SPEF1: variants seen among roughly 807,000 people sequenced by gnomAD.
SPEF1 encodes sperm flagella and cilia-associated protein 1.
In SPEF1, 30 loss-of-function variants were observed where a neutral mutation model predicts 31.8. That is an observed-to-expected ratio of 0.94 (90% CI 0.70 to 1.28). The LOEUF (loss-of-function observed/expected upper bound fraction) is 1.28, where lower values mean the gene tolerates loss of function less well. SPEF1 is among the 50% of genes most tolerant of loss of function. SPEF1 has a pLI of 0.00. For synonymous variants in SPEF1, 126 were observed against 130.1 expected (o/e 0.97, Z 0.21); for missense variants, 298 against 309.6 (o/e 0.96, Z 0.28).
chr20:3,778,641 C>G, intron 5 of SPEF1, 97 bp from the exon 6 acceptor site: 1 of 1,569,306 alleles, frequency 6.4e-7, no homozygotes, highest in Non-Finnish European at 8.6e-7. Context: ...CCCCTCTAGC[C>G]CCTTTCCTGC....
Position 3,779,886 on chromosome 20 carries a change from G to A in SPEF1, c.110-111C>T, listed in dbSNP as rs1324289008. ...CATGGCAGAGTGGTGGAACCCAATGGAGGGGTGGAGATGCGGAAAGGGGAA... is the reference window on the plus strand; with the variant it reads ...CATGGCAGAGTGGTGGAACCCAATGAAGGGGTGGAGATGCGGAAAGGGGAA... On this transcript the variant is annotated intron_variant, in intron 1 of 6. Coordinates refer to ENST00000379756, the MANE Select transcript of SPEF1 (RefSeq NM_015417.5). 9.3e-6 allele frequency: 5 copies of A among 536,510 alleles called. No homozygotes were observed. The Admixed American group carries it at 1.2e-4, about 12-fold the overall frequency. The allele number at this position is 536,510 out of a possible 1,614,324, so 33.2% of individuals were successfully genotyped here. A position where few individuals can be genotyped will look rare whatever the true frequency, so the allele number is the denominator to read the frequency against.
rs748708576 is a variant in SPEF1, at chr20:3,778,255, T to A, written c.668A>T (p.Asp223Val). 6.2e-6 allele frequency: 10 copies of A among 1,609,482 alleles called. No individual in the cohort carries two copies. The highest frequency in any genetic ancestry group is 8.5e-7 in the Non-Finnish European group (1 of 1,177,876). ...CGCCTGCTGGAGCCGCCGGGAGAGG[T>A]CTTCGATCCGCACATTCTTGAGCTG... ...LLQLKNVRIE[D>V]LSRRLQQAER... The change falls in exon 7 of 7, where the codon GAC (aspartate) becomes GTC (valine). Residue 223 changes from aspartate (D) to valine (V), a missense_variant. Coordinates refer to ENST00000379756, the MANE Select transcript of SPEF1 (RefSeq NM_015417.5).
At position 3,778,088 on chromosome 20, in the gene SPEF1, C is replaced by G. The variant is rs1233780971; in HGVS notation, c.*124G>C. The G allele has an allele frequency of 1.4e-6, 1 of 702,630 alleles. No individual in the cohort carries two copies. The highest frequency in any genetic ancestry group is 2.3e-6 in the Non-Finnish European group (1 of 438,320). 43.5% of individuals were successfully genotyped at this position (702,630 alleles called of 1,614,324 possible). A position where few individuals can be genotyped will look rare whatever the true frequency, so the allele number is the denominator to read the frequency against. On this transcript the variant is annotated 3_prime_UTR_variant, in exon 7 of 7. Coordinates refer to ENST00000379756, the MANE Select transcript of SPEF1 (RefSeq NM_015417.5). ...CCCAAGGAAGGAGGGCACTCGGGCC[C>G]CAGCAGGCTCGTGAGAGCAGCGGGC... is the stretch of plus-strand genomic sequence containing the variant.
rs1600360726 is a variant in SPEF1 at position 3,778,091 on chromosome 20, G to A, written c.*121C>T. 5.6e-6 allele frequency: 4 copies of A among 710,870 alleles called. No individual in the cohort carries two copies. Among genetic ancestry groups the A allele is most frequent in the Non-Finnish European group, 9.0e-6 (4 of 446,130 alleles). The allele number at this position is 710,870 out of a possible 1,614,324, so 44.0% of individuals were successfully genotyped here. A position where few individuals can be genotyped will look rare whatever the true frequency, so the allele number is the denominator to read the frequency against. Reference sequence around the variant, plus strand: ...AAGGAAGGAGGGCACTCGGGCCCCAGCAGGCTCGTGAGAGCAGCGGGCTCC... The same window carrying A: ...AAGGAAGGAGGGCACTCGGGCCCCAACAGGCTCGTGAGAGCAGCGGGCTCC... On this transcript the variant is annotated 3_prime_UTR_variant, in exon 7 of 7. Coordinates refer to ENST00000379756, the MANE Select transcript of SPEF1 (RefSeq NM_015417.5).
In SPEF1 at chr20:3,779,340, C is replaced by T. The variant is rs797016456; in HGVS notation, c.234G>A (p.Lys78=). Reference sequence around the variant, plus strand: ...CATCCGGTACTGAAAAGTTCAGCCTCTTCAGTACCTTCCTGAGGGGTAGAC... The same window carrying T: ...CATCCGGTACTGAAAAGTTCAGCCTTTTCAGTACCTTCCTGAGGGGTAGAC... The part of the protein sequence containing the change: ...NWGHLNRKVL[K]RLNFSVPDDV... Residue 78 remains lysine (K), a synonymous_variant, in exon 3 of 7, where the codon AAG becomes AAA. Transcript: ENST00000379756. 7.5e-6 allele frequency: 12 copies of T among 1,594,980 alleles called. 1 individual carries two copies. The African/African-American group carries it at 1.5e-4, about 20-fold the overall frequency.
In SPEF1 at chr20:3,779,298, G is replaced by A. The variant is rs760651917; in HGVS notation, c.276C>T (p.Ile92=). 15 of 1,599,876 alleles carry A rather than the reference G, an allele frequency of 9.4e-6. No homozygotes were observed. The Middle Eastern group carries it at 6.6e-4, about 71-fold the overall frequency. The change falls in exon 3 of 7, where the codon ATC becomes ATT. Residue 92 remains isoleucine (I), a synonymous_variant. Coordinates refer to ENST00000379756, the MANE Select transcript of SPEF1 (RefSeq NM_015417.5). ...CCACCACGCCTGGGGCGCACTGCGC[G>A]ATCTTGCGCATCACGTCATCCGGTA... ...FSVPDDVMRK[I]AQCAPGVVEL...
chr20:3,779,507 C>T (rs984352410), intron 2 of SPEF1, among the ~76,000 whole-genome samples, 155 bp from the exon 3 acceptor site: 2 of 152,084 alleles, frequency 1.3e-5, no homozygotes, highest in Non-Finnish European at 1.5e-5. Flanking sequence ...GTGGGTGTTC[C>T]GAGGTTCCTT....
In SPEF1 at chr20:3,778,305, CT is replaced by C. The variant is rs757546177; in HGVS notation, c.617del (p.Lys206ArgfsTer2). The C allele has an allele frequency of 6.2e-7, 1 of 1,612,694 alleles. No homozygotes were observed. The highest frequency in any genetic ancestry group is 1.1e-5 in the South Asian group (1 of 91,038). ...GGAGCAGGTGCTCCAGGCGCCTTAC[CT>C]TCATCTGCAGGACCTAAGCCGCACC... ...SQETVQVLQM[K>X]VRRLEHLLQL... On this transcript the variant is annotated frameshift_variant, in exon 7 of 7. Transcript: ENST00000379756. LOFTEE classifies it high-confidence loss of function.
At chr20:3,780,080 GT>G (rs2146636231) in intron 1 of SPEF1, among the ~76,000 whole-genome samples, 1 of 152,202 alleles carries the variant, frequency 6.6e-6, no homozygotes, top group East Asian at 1.9e-4. Context: ...GCTCACACCT[GT>G]AATCCCAACA....
intron 1 of SPEF1, among the ~76,000 whole-genome samples, chr20:3,780,956 C>T (rs73080491): frequency 6.6e-6 from 1 of 152,114 alleles, no homozygotes; most frequent in Non-Finnish European, 1.5e-5. Flanking sequence ...GAGGCACCCC[C>T]CCCAACATGC....
rs1313152171 is a variant in SPEF1, at chr20:3,778,477, C to T, written c.547G>A (p.Val183Ile). Residue 183 changes from valine (V) to isoleucine (I), a missense_variant, in exon 6 of 7, where the codon GTC (valine) becomes ATC (isoleucine). By Grantham distance (29) the Val-to-Ile change is conservative. Transcript: ENST00000379756. ...NRALQGDPSF[V>I]LQIAEKEQEL... Reference sequence around the variant, plus strand: ...TGCTCCTTTTCAGCGATCTGGAGGACGAAGCTGGGGTCGCCCTGCAACGCC... The same window carrying T: ...TGCTCCTTTTCAGCGATCTGGAGGATGAAGCTGGGGTCGCCCTGCAACGCC... 6.2e-7 allele frequency: 1 copy of T among 1,613,396 alleles called. No homozygotes were observed. Among genetic ancestry groups the T allele is most frequent in the Non-Finnish European group, 8.5e-7 (1 of 1,179,954 alleles).
At position 3,777,969 on chromosome 20, in the gene SPEF1, C is replaced by T. The variant is rs1282042468; in HGVS notation, c.*243G>A. ...TCTGGGCTCTGGAAAGCGGTCCATT[C>T]TCCTGACCCGGATCTCCGGAGTGGT... is the stretch of plus-strand genomic sequence containing the variant. On this transcript the variant is annotated 3_prime_UTR_variant, in exon 7 of 7. Transcript: ENST00000379756. The surrounding 1 kb of genome is among the most constrained non-coding windows in gnomAD (Gnocchi z 4.1). 2.0e-5 allele frequency: 10 copies of T among 504,072 alleles called. No homozygotes were observed. Among genetic ancestry groups the T allele is most frequent in the Middle Eastern group, 5.4e-4 (1 of 1,860 alleles). The allele number at this position is 504,072 out of a possible 1,614,324, so 31.2% of individuals were successfully genotyped here. A position where few individuals can be genotyped will look rare whatever the true frequency, so the allele number is the denominator to read the frequency against.
rs1278944165 is a variant in SPEF1, at chr20:3,779,225, G to A, written c.349C>T (p.Arg117Cys). 7.6e-6 allele frequency: 12 copies of A among 1,582,808 alleles called. No homozygotes were observed. Among genetic ancestry groups the A allele is most frequent in the Non-Finnish European group, 1.0e-5 (12 of 1,162,570 alleles). The change falls in exon 3 of 7, where the codon CGC becomes TGC. Residue 117 changes from arginine (R) to cysteine (C), a missense_variant. Transcript: ENST00000379756. ...LRQRLEERQR[R>C]RKQGAGSLQE... The stretch of plus-strand genomic sequence containing the variant: ...AAGGAGCCGGCGCCCTGCTTCCTGC[G>A]CCTCTGCCTCTCCTCCAGGCGCTGC...
At chr20:3,779,837 G>A in intron 1 of SPEF1, 62 bp from the exon 2 acceptor site, 2 of 507,852 alleles carry the variant, frequency 3.9e-6, no homozygotes, top group Admixed American at 2.6e-5. Flanking sequence ...GGAGGTGAGA[G>A]AAGGTGGGGG....
chr20:3,778,398 C>T (rs370966294), intron 6 of SPEF1, 23 bp downstream of exon 6: 19 of 1,613,870 alleles, frequency 1.2e-5, no homozygotes, highest in Non-Finnish European at 1.6e-5. Context: ...AGCCCCCACC[C>T]GCAGCCTTCC....
Position 3,778,940 on chromosome 20 carries a change from G to T in SPEF1, c.418+11C>A, listed in dbSNP as rs1813087271. 6.2e-7 allele frequency: 1 copy of T among 1,614,030 alleles called. No homozygotes were observed. Among genetic ancestry groups the T allele is most frequent in the Non-Finnish European group, 8.5e-7 (1 of 1,180,024 alleles). On this transcript the variant is annotated intron_variant, in intron 4 of 6. Coordinates refer to ENST00000379756, the MANE Select transcript of SPEF1 (RefSeq NM_015417.5). ...CCAACCGGGAGGGAGAAATGGAAAAGGCCACCTTACCCACATCCATGTAGC... is the reference window on the plus strand; with the variant it reads ...CCAACCGGGAGGGAGAAATGGAAAATGCCACCTTACCCACATCCATGTAGC...
chr20:3,781,147 G>T, intron 1 of SPEF1, 32 bp downstream of exon 1: 2 of 1,613,722 alleles, frequency 1.2e-6, no homozygotes, highest in Non-Finnish European at 1.7e-6. Flanking sequence ...GAACATACAG[G>T]ACAGAACATG....
At chr20:3,779,612 C>G in intron 2 of SPEF1, 52 bp downstream of exon 2, 1 of 1,368,564 alleles carries the variant, frequency 7.3e-7, no homozygotes. Context: ...CAGTCTCAGC[C>G]TGGGCAACCA....
intron 3 of SPEF1, 62 bp downstream of exon 3, chr20:3,779,134 G>A: frequency 6.5e-7 from 1 of 1,544,152 alleles, no homozygotes. Context: ...CCTTTCTGTG[G>A]TCTGGGGAGC....
Sources: allele counts gnomAD v4.1 joint callset (sites outside exome capture counted in the v4.1 genomes callset), GRCh38; gene constraint gnomAD v4.1.1; non-coding constraint Gnocchi (gnomAD v3.1); transcripts MANE v1.5; gene names NCBI Gene and HGNC (gene_info 2026-07-23, HGNC 2026-07-21).